Variants in NFILZ observed in about 807,000 individuals in gnomAD.
NFILZ encodes NFIL3 like protein.
rs991221315 is a variant in NFILZ at position 8,669,159 on chromosome 19, G to A, written c.-163-5392G>A. 5.9e-5 allele frequency among the ~76,000 whole-genome samples: 9 copies of A among 152,272 alleles called. No individual in the cohort carries two copies. In the East Asian group the frequency reaches 1.7e-3, roughly 29 times the overall value. On this transcript the variant is annotated intron_variant, in intron 3 of 5. Transcript: ENST00000691075. The stretch of plus-strand genomic sequence containing the variant: ...AGGGTTTCGCCATGTTGGCCAGGCT[G>A]GTCTCGAACTTCCCACTTCAGGTGA...
chr19:8,652,618 A>G (rs575350992), intron 3 of NFILZ, among the ~76,000 whole-genome samples: 3 of 152,228 alleles, frequency 2.0e-5, no homozygotes, highest in Non-Finnish European at 4.4e-5. Flanking sequence ...CAGTCTTTAC[A>G]CCATTGATTT....
intron 2 of NFILZ, among the ~76,000 whole-genome samples, chr19:8,633,944 TTCCC>T (rs1343334908): frequency 2.3e-5 from 3 of 130,098 alleles, no homozygotes; most frequent in African/African-American, 5.8e-5. Flanking sequence ...CCTTCCTTCC[TTCCC>T]TCCCTTCTTT....
At chr19:8,663,772 A>ATGTGTGTGTG (rs1555749471) in intron 3 of NFILZ, among the ~76,000 whole-genome samples, 1 of 77,026 alleles carries the variant, frequency 1.3e-5, no homozygotes, top group African/African-American at 8.2e-5. Context: ...GTGTGTGTGT[A>ATGTGTGTGTG]TGTATGTGTG....
At position 8,678,070 on chromosome 19, in the gene NFILZ, A is replaced by ACCCT. The variant is rs2043121833; in HGVS notation, c.*435_*436insCCCT. 2.7e-4 allele frequency among the ~76,000 whole-genome samples: 1 copy of ACCCT among 3,736 alleles called. No individual in the cohort carries two copies. Among genetic ancestry groups the ACCCT allele is most frequent in the African/African-American group, 8.4e-4 (1 of 1,190 alleles). The allele number at this position is 3,736 out of a possible 152,430, so 2.5% of individuals were successfully genotyped here. On this transcript the variant is annotated 3_prime_UTR_variant, in exon 6 of 6. Coordinates refer to ENST00000691075, the MANE Select transcript of NFILZ (RefSeq NM_001378600.1). Reference sequence around the variant, plus strand: ...CATCCATCCACCCATCTATTCATCCATCCATCAATCCATCCATCCATTCCA... The same window carrying ACCCT: ...CATCCATCCACCCATCTATTCATCCACCCTTCCATCAATCCATCCATCCATTCCA...
At chr19:8,674,007 A>AT (rs1294336091) in intron 3 of NFILZ, among the ~76,000 whole-genome samples, 1 of 152,046 alleles carries the variant, frequency 6.6e-6, no homozygotes, top group Non-Finnish European at 1.5e-5. Flanking sequence ...TGCCTGGCTA[A>AT]TTTTTTGTAT....
intron 3 of NFILZ, among the ~76,000 whole-genome samples, chr19:8,672,389 A>G (rs2043091847): frequency 6.6e-6 from 1 of 152,160 alleles, no homozygotes. Flanking sequence ...TTATTAGTTC[A>G]TTCCAAAAAA....
intron 3 of NFILZ, among the ~76,000 whole-genome samples, chr19:8,661,821 G>A (rs2043033144): frequency 6.6e-6 from 1 of 152,110 alleles, no homozygotes. Flanking sequence ...GAACCCAGAG[G>A]TTGCAGCAAG....
intron 3 of NFILZ, among the ~76,000 whole-genome samples, chr19:8,653,667 C>T (rs551903294): frequency 7.0e-4 from 107 of 152,190 alleles, no homozygotes; most frequent in Admixed American, 2.4e-3. Context: ...TAATGTGTTT[C>T]GCAGCAATTT....
At position 8,679,865 on chromosome 19, in the gene NFILZ, A is replaced by G. The variant is rs1488836863; in HGVS notation, c.*2230A>G. ...AGAGGCAGTAAATAAATTGCCCGGT[A>G]TAGGGGCTTCTCTGGACTGTTTTAT... is the stretch of plus-strand genomic sequence containing the variant. On this transcript the variant is annotated 3_prime_UTR_variant, in exon 6 of 6. Transcript: ENST00000691075. Among the ~76,000 whole-genome samples the G allele has an allele frequency of 1.3e-5, 2 of 152,192 alleles. No homozygotes were observed. The highest frequency in any genetic ancestry group is 2.9e-5 in the Non-Finnish European group (2 of 68,018).
intron 3 of NFILZ, among the ~76,000 whole-genome samples, chr19:8,653,843 G>A (rs1370661484): frequency 6.6e-6 from 1 of 152,178 alleles, no homozygotes; most frequent in Non-Finnish European, 1.5e-5. Context: ...AGGCGGATGA[G>A]GGATAAAAGG....
intron 3 of NFILZ, among the ~76,000 whole-genome samples, chr19:8,645,013 TC>T (rs1266678089): frequency 3.9e-5 from 3 of 76,764 alleles, no homozygotes; most frequent in Non-Finnish European, 8.3e-5. Flanking sequence ...GATCCCACCC[TC>T]CCCCCATCCC....
chr19:8,651,590 G>A (rs1380787052), intron 3 of NFILZ, among the ~76,000 whole-genome samples: 1 of 152,130 alleles, frequency 6.6e-6, no homozygotes, highest in African/African-American at 2.4e-5. Flanking sequence ...GGAGTGCAGT[G>A]GGGAGATCAC....
At position 8,656,422 on chromosome 19, in the gene NFILZ, C is replaced by T. The variant is rs75512817; in HGVS notation, c.-163-18129C>T. Among the ~76,000 whole-genome samples, 369 of 69,046 alleles carry T rather than the reference C, an allele frequency of 5.3e-3. 3 individuals carry two copies. Among genetic ancestry groups the T allele is most frequent in the African/African-American group, 8.1e-3 (159 of 19,622 alleles). 45.3% of individuals were successfully genotyped at this position (69,046 alleles called of 152,430 possible). A position where few individuals can be genotyped will look rare whatever the true frequency, so the allele number is the denominator to read the frequency against. On this transcript the variant is annotated intron_variant, in intron 3 of 5. Transcript: ENST00000691075. ...CCCACCTTCTCTCTGAAACCCACCT[C>T]TTTCCGCAGCCCACCTTCTCCTCGA...
At position 8,631,492 on chromosome 19, in the gene NFILZ, C is replaced by T. The variant is rs1014932783; in HGVS notation, c.-411+748C>T. ...GATCTCTGGGGGGTCTGGAGGCAGG[C>T]GTGTCTTCTGGGAAGGCAGCGGAGT... On this transcript the variant is annotated intron_variant, in intron 1 of 5. Coordinates refer to ENST00000691075, the MANE Select transcript of NFILZ (RefSeq NM_001378600.1). 9.2e-5 allele frequency among the ~76,000 whole-genome samples: 14 copies of T among 152,188 alleles called. No homozygotes were observed. The East Asian group carries it at 2.1e-3, about 23-fold the overall frequency.
chr19:8,680,299 TTTCA>T lies in NFILZ; in HGVS notation c.*2691_*2694del, dbSNP rs57880553. On this transcript the variant is annotated 3_prime_UTR_variant, in exon 6 of 6. Coordinates refer to ENST00000691075, the MANE Select transcript of NFILZ (RefSeq NM_001378600.1). ...GCTTGTGGCTCAGCTATAACAGCAT[TTTCA>T]TTCATTCATTCATTCATTCATTCAT... Among the ~76,000 whole-genome samples, 78,716 of 147,766 alleles carry T rather than the reference TTTCA, an allele frequency of 0.53. 21,294 individuals are homozygous for T. The highest frequency in any genetic ancestry group is 0.85 in the East Asian group (4,330 of 5,118).
intron 3 of NFILZ, among the ~76,000 whole-genome samples, chr19:8,653,003 C>T (rs1482916356): frequency 0.42 from 15,686 of 37,668 alleles, 3,744 homozygotes; most frequent in Middle Eastern, 0.53. Flanking sequence ...TTCCTTCCTT[C>T]CTTCCTTCCT....
intron 3 of NFILZ, among the ~76,000 whole-genome samples, chr19:8,650,631 A>T (rs1178201434): frequency 2.0e-5 from 3 of 150,516 alleles, no homozygotes; most frequent in Admixed American, 6.7e-5. Flanking sequence ...TCCAGCCTGC[A>T]AGATGGAGTG....
At chr19:8,654,037 C>T (rs184723515) in intron 3 of NFILZ, among the ~76,000 whole-genome samples, 1 of 152,138 alleles carries the variant, frequency 6.6e-6, no homozygotes, top group East Asian at 1.9e-4. Context: ...GAGAACCAGC[C>T]TGGCCAGCAT....
chr19:8,641,150 A>G (rs1555746618), intron 3 of NFILZ, among the ~76,000 whole-genome samples: 1 of 152,096 alleles, frequency 6.6e-6, no homozygotes. Context: ...CCCAGGCTCA[A>G]GTGATCCTCA....
Sources: allele counts gnomAD v4.1 joint callset (sites outside exome capture counted in the v4.1 genomes callset), GRCh38; gene constraint gnomAD v4.1.1; transcripts MANE v1.5; gene names NCBI Gene and HGNC (gene_info 2026-07-23, HGNC 2026-07-21).